The following CFAP54 variants were observed in gnomAD, a reference collection of about 807,000 sequenced individuals.
CFAP54 encodes cilia- and flagella-associated protein 54.
Under a neutral mutation model 370.4 loss-of-function variants are expected in CFAP54, and 290 were observed. The observed-to-expected ratio is 0.78, with a 90% CI of 0.71 to 0.86. CFAP54 has a LOEUF of 0.86. CFAP54 is among the 40% of genes least tolerant of loss of function. The probability of loss-of-function intolerance (pLI) is 0.00; values close to 1 mark genes in which losing one functional copy is unlikely to be tolerated. For missense variants in CFAP54, 3,399 were observed against 3,528.7 expected, an observed-to-expected ratio of 0.96 and a Z score of 0.93; for synonymous variants, 1,206 against 1,236.5, an observed-to-expected ratio of 0.98 and a Z score of 0.52.
At chr12:96,622,339 C>CCTCT (rs371334823) in intron 27 of CFAP54, among the ~76,000 whole-genome samples, 399 of 137,396 alleles carry the variant, frequency 2.9e-3, no homozygotes, top group Non-Finnish European at 4.7e-3. Context: ...GCCCTCCCTC[C>CCTCT]CTCTCTCTCT....
intron 25 of CFAP54, among the ~76,000 whole-genome samples, chr12:96,596,345 G>C (rs1342619226): frequency 1.3e-5 from 2 of 152,106 alleles, no homozygotes; most frequent in East Asian, 3.8e-4. Context: ...TAGGAAAGAA[G>C]TCTCTAATTG....
At position 96,874,704 on chromosome 12, in the gene CFAP54, A is replaced by G. The variant is rs1278241983; in HGVS notation, c.*15-414A>G. ...GAGTGCAGTGGCGCGATCTCGGCTC[A>G]CTGCAAGCTCCGCCTCCCGGGTTCA... is the stretch of plus-strand genomic sequence containing the variant. On this transcript the variant is annotated intron_variant, in intron 67 of 67. Coordinates refer to ENST00000524981, the MANE Select transcript of CFAP54 (RefSeq NM_001306084.2). Among the ~76,000 whole-genome samples, 5 of 134,078 alleles carry G rather than the reference A, an allele frequency of 3.7e-5. No homozygotes were observed. In the East Asian group the frequency reaches 1.1e-3, roughly 30 times the overall value. The allele number at this position is 134,078 out of a possible 152,430, so 88.0% of individuals were successfully genotyped here.
At chr12:96,705,069 C>T (rs996198675) in intron 47 of CFAP54, among the ~76,000 whole-genome samples, 7 of 152,092 alleles carry the variant, frequency 4.6e-5, no homozygotes, top group African/African-American at 7.2e-5. Context: ...AAAACTTAGG[C>T]GTATTGGCAG....
At chr12:96,686,556 T>C (rs756525096) in intron 42 of CFAP54, among the ~76,000 whole-genome samples, 2 of 152,156 alleles carry the variant, frequency 1.3e-5, no homozygotes, top group Non-Finnish European at 2.9e-5. Context: ...TATTTGAATA[T>C]GGGAGCCCGC....
At chr12:96,608,625 T>C (rs815882) in intron 26 of CFAP54, among the ~76,000 whole-genome samples, 105,290 of 151,834 alleles carry the variant, frequency 0.69, 36,638 homozygotes, top group African/African-American at 0.72. Flanking sequence ...CTACGCCCGC[T>C]TAGTTTTTGT....
At chr12:96,639,186 A>G (rs953064663) in intron 32 of CFAP54, among the ~76,000 whole-genome samples, 1 of 152,228 alleles carries the variant, frequency 6.6e-6, no homozygotes, top group Non-Finnish European at 1.5e-5. Flanking sequence ...CGATAGCAAG[A>G]CTAGTAAAGA....
intron 39 of CFAP54, among the ~76,000 whole-genome samples, chr12:96,672,007 AG>A (rs1957152622): frequency 6.6e-6 from 1 of 152,174 alleles, no homozygotes; most frequent in African/African-American, 2.4e-5. Flanking sequence ...AAAGAAAGAA[AG>A]AAATTGAATA....
At chr12:96,663,968 C>T in intron 39 of CFAP54, 36 bp downstream of exon 39, 1 of 1,493,218 alleles carries the variant, frequency 6.7e-7, no homozygotes. Context: ...TTTGTTTTCT[C>T]TAAATCGAGG....
chr12:96,699,971 A>G lies in CFAP54; in HGVS notation c.6352A>G (p.Ile2118Val), dbSNP rs777157349. The change falls in exon 46 of 68, where the codon ATA becomes GTA. Residue 2118 changes from isoleucine (I) to valine (V), a missense_variant and splice_region_variant. Physicochemically the swap from Ile to Val is conservative, Grantham distance 29. Around this residue, in one of 3 missense-constraint regions of CFAP54, gnomAD observed 2,796 missense variants for 2,869.7 expected, o/e 0.97. Coordinates refer to ENST00000524981, the MANE Select transcript of CFAP54 (RefSeq NM_001306084.2). ...CCTCATTATTTCCTTTCCTTTACAG[A>G]TAGAAGTCCTTATAGATTTGAGATT... Reference protein sequence around the residue: ...TRNLEARILKIEVLIDLRFFS... With the variant: ...TRNLEARILKVEVLIDLRFFS... 1.9e-6 allele frequency: 3 copies of G among 1,565,182 alleles called. No homozygotes were observed. The highest frequency in any genetic ancestry group is 2.3e-5 in the South Asian group (2 of 85,422).
At chr12:96,737,795 TC>T (rs546310506) in intron 50 of CFAP54, among the ~76,000 whole-genome samples, 70 of 151,856 alleles carry the variant, frequency 4.6e-4, no homozygotes, top group Middle Eastern at 6.8e-3. Flanking sequence ...AAAATATAGA[TC>T]AATAGACCTG....
Position 96,626,857 on chromosome 12 carries a change from C to A in CFAP54, c.4021C>A (p.Gln1341Lys). ...ACCAAGATTTCTGGAATTCTTTACA[C>A]AAGTTATGCTAAAATGCATGAATGA... is the stretch of plus-strand genomic sequence containing the variant. ...QKPRFLEFFTQVMLKCMNEEK... is the reference protein window; with the variant it reads ...QKPRFLEFFTKVMLKCMNEEK... The change falls in exon 30 of 68, where the codon CAA becomes AAA. Residue 1341 changes from glutamine to lysine, a missense_variant. By Grantham distance (53) the Gln-to-Lys change is moderately conservative (BLOSUM62 1). Transcript: ENST00000524981. 7.1e-7 allele frequency: 1 copy of A among 1,416,812 alleles called. No homozygotes were observed. The allele number at this position is 1,416,812 out of a possible 1,614,324, so 87.8% of individuals were successfully genotyped here.
intron 32 of CFAP54, among the ~76,000 whole-genome samples, chr12:96,638,705 T>C (rs1248205525): frequency 6.6e-6 from 1 of 152,212 alleles, no homozygotes; most frequent in East Asian, 1.9e-4. Flanking sequence ...TTTAGAACTC[T>C]TTGTTTATTG....
At chr12:96,784,439 A>G (rs1237875417) in intron 60 of CFAP54, among the ~76,000 whole-genome samples, 1 of 152,116 alleles carries the variant, frequency 6.6e-6, no homozygotes, top group Admixed American at 6.5e-5. Context: ...TTGCCTGTTG[A>G]AATTGTGTTG....
chr12:96,497,715 A>G (rs772054357), intron 1 of CFAP54, among the ~76,000 whole-genome samples: 1 of 152,200 alleles, frequency 6.6e-6, no homozygotes, highest in East Asian at 1.9e-4. Context: ...CAAGATAATT[A>G]TAGCTATGCC....
rs561912764 is a variant in CFAP54, at chr12:96,753,905, T to A, written c.7840+7T>A. The A allele has an allele frequency of 6.2e-7, 1 of 1,613,060 alleles. No individual in the cohort carries two copies. Among genetic ancestry groups the A allele is most frequent in the Non-Finnish European group, 8.5e-7 (1 of 1,179,382 alleles). Reference sequence around the variant, plus strand: ...GAAATCCTTTTTCAGAAAGGTAAAATGCATCTGGGGTCAGAACTATGATAA... The same window carrying A: ...GAAATCCTTTTTCAGAAAGGTAAAAAGCATCTGGGGTCAGAACTATGATAA... On this transcript the variant is annotated splice_region_variant and intron_variant, in intron 56 of 67. Coordinates refer to ENST00000524981, the MANE Select transcript of CFAP54 (RefSeq NM_001306084.2).
In CFAP54 at chr12:96,645,413, A is replaced by G. The variant is rs1258967493; in HGVS notation, c.4547+1005A>G. The stretch of plus-strand genomic sequence containing the variant: ...ACAAGGGATGTGAAGGACCTCTTCA[A>G]GGAGAACTACAAACCACTGCTCAAT... On this transcript the variant is annotated intron_variant, in intron 33 of 67. Coordinates refer to ENST00000524981, the MANE Select transcript of CFAP54 (RefSeq NM_001306084.2). 3 of 271,876 alleles carry G rather than the reference A, an allele frequency of 1.1e-5. No homozygotes were observed. The East Asian group carries it at 2.5e-4, about 23-fold the overall frequency. 16.8% of individuals were successfully genotyped at this position (271,876 alleles called of 1,614,324 possible).
intron 67 of CFAP54, among the ~76,000 whole-genome samples, chr12:96,861,346 T>C (rs1366108057): frequency 1.3e-5 from 2 of 152,130 alleles, no homozygotes; most frequent in African/African-American, 2.4e-5. Flanking sequence ...ACGGGTAGAG[T>C]ACTAGTGGCA....
chr12:96,811,579 T>C (rs899205339), intron 63 of CFAP54, among the ~76,000 whole-genome samples, 157 bp from the exon 64 acceptor site: 9 of 152,254 alleles, frequency 5.9e-5, no homozygotes, highest in Non-Finnish European at 1.3e-4. Flanking sequence ...CTGGTTCACA[T>C]CATTTCTCTT....
At chr12:96,521,733 C>A in intron 6 of CFAP54, 124 bp from the exon 7 acceptor site, 2 of 623,594 alleles carry the variant, frequency 3.2e-6, no homozygotes, top group South Asian at 5.5e-5. Context: ...TAAAAGGAGT[C>A]AGCATTAACC....
Sources: allele counts gnomAD v4.1 joint callset (sites outside exome capture counted in the v4.1 genomes callset), GRCh38; gene constraint gnomAD v4.1.1; regional missense constraint gnomAD v4.1.1; transcripts MANE v1.5; gene names NCBI Gene and HGNC (gene_info 2026-07-23, HGNC 2026-07-21).